Variants in ANO6 observed in about 807,000 individuals in gnomAD.
ANO6 encodes the protein anoctamin 6.
A neutral mutation model predicts 117.5 loss-of-function variants in ANO6; 106 were observed. The observed-to-expected ratio is 0.90, with a 90% CI of 0.77 to 1.06. ANO6 has a LOEUF of 1.06. Ranked by LOEUF, ANO6 falls within the 50% of genes least tolerant of loss-of-function variation. The pLI, the probability that ANO6 is intolerant of heterozygous loss-of-function variation, is 0.00. For missense variants in ANO6, 955 were observed against 1,121.1 expected (o/e 0.85, Z 2.12); for synonymous variants, 367 against 385.1 (o/e 0.95, Z 0.55).
intron 1 of ANO6, among the ~76,000 whole-genome samples, chr12:45,298,559 C>CT (rs971296010): frequency 5.3e-5 from 8 of 152,218 alleles, no homozygotes; most frequent in Non-Finnish European, 8.8e-5. Context: ...TCCCAGCACT[C>CT]TATCAGGTCA....
At chr12:45,359,282 T>C (rs1941493568) in intron 8 of ANO6, among the ~76,000 whole-genome samples, 1 of 152,262 alleles carries the variant, frequency 6.6e-6, no homozygotes, top group African/African-American at 2.4e-5. Flanking sequence ...AAATGTTTTC[T>C]ATTCTTGTGA....
intron 12 of ANO6, among the ~76,000 whole-genome samples, chr12:45,396,330 A>G (rs544738282): frequency 1.3e-5 from 2 of 152,340 alleles, no homozygotes; most frequent in South Asian, 2.1e-4. Context: ...CCACTGCTCA[A>G]CGAAATAAAA....
At chr12:45,248,640 G>A (rs533479660) in intron 1 of ANO6, among the ~76,000 whole-genome samples, 1 of 152,104 alleles carries the variant, frequency 6.6e-6, no homozygotes, top group South Asian at 2.1e-4. Context: ...CACCATGCTG[G>A]TCAGGCTGGT....
intron 16 of ANO6, 106 bp from the exon 17 acceptor site, chr12:45,416,593 T>G (rs1943219230): frequency 1.0e-6 from 1 of 992,080 alleles, no homozygotes; most frequent in African/African-American, 1.6e-5. Flanking sequence ...AGATGTGTTT[T>G]CTCTCTGGGA....
intron 17 of ANO6, 133 bp downstream of exon 17, chr12:45,417,037 T>C: frequency 1.2e-6 from 1 of 862,536 alleles, no homozygotes; most frequent in Non-Finnish European, 1.8e-6. Context: ...AATGATATAG[T>C]TGCTATATAT....
chr12:45,330,764 T>C (rs1034407028), intron 2 of ANO6, among the ~76,000 whole-genome samples: 2 of 152,122 alleles, frequency 1.3e-5, no homozygotes, highest in African/African-American at 4.8e-5. Context: ...CTTTTGTTTA[T>C]ATGGGAGTAT....
chr12:45,261,090 G>A (rs1472243045), intron 1 of ANO6, among the ~76,000 whole-genome samples: 2 of 152,068 alleles, frequency 1.3e-5, no homozygotes, highest in South Asian at 2.1e-4. Context: ...CAAATGTTAC[G>A]TTTACAGGCA....
chr12:45,410,883 T>C (rs566876626), intron 16 of ANO6, among the ~76,000 whole-genome samples: 4 of 152,374 alleles, frequency 2.6e-5, no homozygotes, highest in East Asian at 1.9e-4. Flanking sequence ...GTGGCTTCTT[T>C]AGTCAACAGT....
At chr12:45,261,569 G>C (rs973655051) in intron 1 of ANO6, among the ~76,000 whole-genome samples, 1 of 152,188 alleles carries the variant, frequency 6.6e-6, no homozygotes, top group East Asian at 1.9e-4. Flanking sequence ...GGCAGTCCTG[G>C]CTCTGTTACT....
intron 1 of ANO6, among the ~76,000 whole-genome samples, chr12:45,259,501 A>G (rs1261512537): frequency 6.6e-6 from 1 of 152,180 alleles, no homozygotes. Context: ...GAAGACAAAT[A>G]CCTCCAGCTG....
chr12:45,224,319 A>C (rs908707458), intron 1 of ANO6, among the ~76,000 whole-genome samples: 2 of 152,174 alleles, frequency 1.3e-5, no homozygotes, highest in African/African-American at 4.8e-5. Flanking sequence ...TTTCTCAAAA[A>C]TTAAATCTTG....
chr12:45,406,452 A>T (rs1213552610), intron 15 of ANO6, among the ~76,000 whole-genome samples: 1 of 152,234 alleles, frequency 6.6e-6, no homozygotes, highest in Non-Finnish European at 1.5e-5. Context: ...GTCAGAGATA[A>T]TAGAATTAAG....
chr12:45,391,869 T>C (rs1217734384), intron 12 of ANO6, among the ~76,000 whole-genome samples: 1 of 151,866 alleles, frequency 6.6e-6, no homozygotes, highest in Non-Finnish European at 1.5e-5. Context: ...AAAAAAAATG[T>C]TAAAAAGGAA....
chr12:45,258,879 G>C (rs1340750243), intron 1 of ANO6, among the ~76,000 whole-genome samples: 1 of 152,178 alleles, frequency 6.6e-6, no homozygotes, highest in Admixed American at 6.5e-5. Context: ...ATGCCCTCAG[G>C]TTGCCGACAG....
chr12:45,311,927 T>G (rs533199241), intron 2 of ANO6, among the ~76,000 whole-genome samples: 2 of 152,180 alleles, frequency 1.3e-5, no homozygotes, highest in South Asian at 2.1e-4. Flanking sequence ...CCATTTTATG[T>G]TTTTTTCCTC....
chr12:45,314,003 C>A (rs1939932665), intron 2 of ANO6, among the ~76,000 whole-genome samples: 1 of 152,016 alleles, frequency 6.6e-6, no homozygotes. Context: ...TCACCTCAGG[C>A]TCCTGCATCA....
rs2137746334 is a variant in ANO6, at chr12:45,432,311, TA to T, written c.*3002del. The stretch of plus-strand genomic sequence containing the variant: ...TTCTGTGCATTTTAATATTCTTTTA[TA>T]ATTATGAGCATTTTAATAAATTCAT... On this transcript the variant is annotated 3_prime_UTR_variant, in exon 20 of 20. Coordinates refer to ENST00000320560, the MANE Select transcript of ANO6 (RefSeq NM_001025356.3). 1.1e-6 allele frequency: 1 copy of T among 891,214 alleles called. No homozygotes were observed. Among genetic ancestry groups the T allele is most frequent in the African/African-American group, 1.8e-5 (1 of 55,282 alleles). The allele number at this position is 891,214 out of a possible 1,614,324, so 55.2% of individuals were successfully genotyped here. A position where few individuals can be genotyped will look rare whatever the true frequency, so the allele number is the denominator to read the frequency against.
chr12:45,402,213 A>G (rs777527934), intron 13 of ANO6, among the ~76,000 whole-genome samples, 193 bp downstream of exon 13: 20 of 152,270 alleles, frequency 1.3e-4, no homozygotes, highest in Non-Finnish European at 2.4e-4. Context: ...GGGACAAAGC[A>G]AAGACAATCA....
chr12:45,340,557 A>C (rs1940951874), intron 3 of ANO6, among the ~76,000 whole-genome samples: 1 of 152,174 alleles, frequency 6.6e-6, no homozygotes, highest in South Asian at 2.1e-4. Context: ...TATGCTGCCA[A>C]ATAAAGATCA....
Sources: gnomAD v4.1 joint callset for allele counts (sites outside exome capture counted in the v4.1 genomes callset) on GRCh38, gnomAD v4.1.1 for gene constraint, MANE v1.5 for transcripts, NCBI Gene and HGNC (gene_info 2026-07-23, HGNC 2026-07-21) for gene names.